The following C21orf91 variants were observed in gnomAD, a reference collection of about 807,000 sequenced individuals.
C21orf91 encodes the protein chromosome 21 open reading frame 91, also known as protein EURL homolog.
A neutral mutation model predicts 32.9 loss-of-function variants in C21orf91; 26 were observed. The ratio of observed to expected loss-of-function variants is 0.79; its 90% CI spans 0.58 to 1.10. The LOEUF (loss-of-function observed/expected upper bound fraction) is 1.10, where lower values mean the gene tolerates loss of function less well. Among genes scored for constraint, C21orf91 ranks in the 50% least tolerant of loss-of-function variants. The pLI, the probability that C21orf91 is intolerant of heterozygous loss-of-function variation, is 0.00. For missense variants in C21orf91, 310 were observed against 341.3 expected, an observed-to-expected ratio of 0.91 and a Z score of 0.72; for synonymous variants, 126 against 120.4, an observed-to-expected ratio of 1.05 and a Z score of -0.31.
intron 1 of C21orf91, 75 bp from the exon 2 acceptor site, chr21:17,818,400 T>A: frequency 8.1e-7 from 1 of 1,239,624 alleles, no homozygotes; most frequent in Non-Finnish European, 1.1e-6. Flanking sequence ...TACTGGGAAC[T>A]TCTAGGAAAT....
chr21:17,795,392 G>A, intron 3 of C21orf91, 122 bp from the exon 4 acceptor site: 1 of 692,406 alleles, frequency 1.4e-6, no homozygotes. Flanking sequence ...ACATTCAGCA[G>A]TACTCCAGTA....
chr21:17,799,242 A>T (rs1428600312), intron 2 of C21orf91, among the ~76,000 whole-genome samples: 2 of 152,178 alleles, frequency 1.3e-5, no homozygotes, highest in African/African-American at 2.4e-5. Context: ...GGTCAATATA[A>T]TAGATATCTA....
intron 2 of C21orf91, among the ~76,000 whole-genome samples, chr21:17,803,696 AG>A: frequency 6.6e-6 from 1 of 152,288 alleles, no homozygotes; most frequent in Non-Finnish European, 1.5e-5. Flanking sequence ...TTGTGCTTCA[AG>A]CAAGTGTTCA....
intron 2 of C21orf91, among the ~76,000 whole-genome samples, chr21:17,800,315 T>C (rs558418779): frequency 1.3e-5 from 2 of 152,176 alleles, no homozygotes; most frequent in Non-Finnish European, 2.9e-5. Context: ...TGTGCAGCAG[T>C]AGCATAGGAA....
At chr21:17,797,822 C>T (rs189167375) in intron 2 of C21orf91, among the ~76,000 whole-genome samples, 12 of 152,104 alleles carry the variant, frequency 7.9e-5, no homozygotes, top group Admixed American at 7.2e-4. Flanking sequence ...CCTCAACTCA[C>T]AAATGTTCAT....
intron 2 of C21orf91, among the ~76,000 whole-genome samples, chr21:17,798,233 G>C (rs1446530525): frequency 1.3e-5 from 2 of 152,082 alleles, no homozygotes; most frequent in East Asian, 3.8e-4. Context: ...TGAACTCATA[G>C]TTATTTTATT....
At chr21:17,808,598 C>A (rs1006384712) in intron 2 of C21orf91, among the ~76,000 whole-genome samples, 2 of 152,188 alleles carry the variant, frequency 1.3e-5, no homozygotes, top group Non-Finnish European at 2.9e-5. Context: ...GCACATAACC[C>A]CAGTTTGTGA....
intron 2 of C21orf91, among the ~76,000 whole-genome samples, chr21:17,817,058 A>G (rs1248133629): frequency 6.6e-6 from 1 of 152,198 alleles, no homozygotes; most frequent in Non-Finnish European, 1.5e-5. Context: ...GGCTCAAGCA[A>G]TCCTCTCACC....
chr21:17,794,293 AAATTGAAAAGGAGAC>A (rs1271804795), intron 4 of C21orf91, among the ~76,000 whole-genome samples: 2 of 152,238 alleles, frequency 1.3e-5, no homozygotes, highest in Non-Finnish European at 2.9e-5. Flanking sequence ...AAAAGGAAAT[AAATTGAAAAGGAGAC>A]AACTGCGGAA....
chr21:17,802,673 T>G (rs1279552927), intron 2 of C21orf91, among the ~76,000 whole-genome samples: 1 of 152,226 alleles, frequency 6.6e-6, no homozygotes, highest in South Asian at 2.1e-4. Flanking sequence ...TGAGGAAGAC[T>G]TGATTTATAA....
rs1474414149 is a variant in C21orf91, at chr21:17,817,429, A to ATAATATC, written c.127+762_127+763insGATATTA. ...CTGTCCAAAATCTAGAGGTTTAATA[A>ATAATATC]AGTCTCTCTACTGATATGTTACAAC... is the stretch of plus-strand genomic sequence containing the variant. On this transcript the variant is annotated intron_variant, in intron 2 of 4. Coordinates refer to ENST00000284881, the MANE Select transcript of C21orf91 (RefSeq NM_001100420.2). Among the ~76,000 whole-genome samples, 75 of 152,170 alleles carry ATAATATC rather than the reference A, an allele frequency of 4.9e-4. 1 individual carries two copies. The highest frequency in any genetic ancestry group is 9.6e-4 in the Non-Finnish European group (65 of 68,014).
rs2062491569 is a variant in C21orf91 at position 17,793,315 on chromosome 21, A to G, written c.*100T>C. The stretch of plus-strand genomic sequence containing the variant: ...TGCCTTATGTTTGGCAAATTTAATG[A>G]CCATAAAAAAACGGACCACAACTTT... On this transcript the variant is annotated 3_prime_UTR_variant, in exon 5 of 5. Transcript: ENST00000284881. 7.2e-6 allele frequency: 6 copies of G among 830,750 alleles called. No individual in the cohort carries two copies. Among genetic ancestry groups the G allele is most frequent in the African/African-American group, 6.8e-5 (4 of 58,682 alleles). The allele number at this position is 830,750 out of a possible 1,614,324, so 51.5% of individuals were successfully genotyped here.
At chr21:17,803,632 C>T (rs1249997209) in intron 2 of C21orf91, among the ~76,000 whole-genome samples, 3 of 151,996 alleles carry the variant, frequency 2.0e-5, no homozygotes, top group Admixed American at 6.6e-5. Flanking sequence ...TGCTAAGAAA[C>T]GGGGTACAGG....
chr21:17,807,366 A>T (rs1041665497), intron 2 of C21orf91, among the ~76,000 whole-genome samples: 2 of 152,130 alleles, frequency 1.3e-5, no homozygotes, highest in Admixed American at 1.3e-4. Flanking sequence ...AAGTTTTCTG[A>T]GGCCTCCCCA....
chr21:17,806,850 A>G (rs2062598383), intron 2 of C21orf91, among the ~76,000 whole-genome samples: 2 of 152,126 alleles, frequency 1.3e-5, no homozygotes, highest in South Asian at 4.1e-4. Context: ...AGCCCAGGCA[A>G]CAAAGCCTGG....
At chr21:17,801,319 G>C (rs921357401) in intron 2 of C21orf91, among the ~76,000 whole-genome samples, 3 of 151,220 alleles carry the variant, frequency 2.0e-5, no homozygotes, top group Middle Eastern at 6.3e-3. Flanking sequence ...CACCCAGGCT[G>C]GAGTGCAGTG....
chr21:17,795,554 T>C lies in C21orf91; in HGVS notation c.665-284A>G, dbSNP rs201714070. ...CAGTGGTGCGATCAATGGCTCACTG[T>C]TGCCTCAACCTCCTGGGCTCAAGTG... On this transcript the variant is annotated intron_variant, in intron 3 of 4. Transcript: ENST00000284881. Among the ~76,000 whole-genome samples, 6 of 152,320 alleles carry C rather than the reference T, an allele frequency of 3.9e-5. No individual in the cohort carries two copies. The East Asian group carries it at 9.6e-4, about 24-fold the overall frequency.
At chr21:17,816,630 A>T (rs2062666481) in intron 2 of C21orf91, among the ~76,000 whole-genome samples, 1 of 152,260 alleles carries the variant, frequency 6.6e-6, no homozygotes, top group Admixed American at 6.5e-5. Flanking sequence ...TAGGTCGCCA[A>T]GGTTCAGTTC....
Position 17,806,904 on chromosome 21 carries a change from C to A in C21orf91, c.128-9786G>T, listed in dbSNP as rs561942069. The stretch of plus-strand genomic sequence containing the variant: ...AAAGAAGAGTGGGAGGTAGAAAAGA[C>A]AGAGGCTGTAAGAAGTGTGAAAGAA... On this transcript the variant is annotated intron_variant, in intron 2 of 4. Coordinates refer to ENST00000284881, the MANE Select transcript of C21orf91 (RefSeq NM_001100420.2). 5.9e-5 allele frequency among the ~76,000 whole-genome samples: 9 copies of A among 152,078 alleles called. No individual in the cohort carries two copies. The East Asian group carries it at 7.7e-4, about 13-fold the overall frequency.
Sources: gnomAD v4.1 joint callset for allele counts (sites outside exome capture counted in the v4.1 genomes callset) on GRCh38, gnomAD v4.1.1 for gene constraint, MANE v1.5 for transcripts, NCBI Gene and HGNC (gene_info 2026-07-23, HGNC 2026-07-21) for gene names.